ATP13A4: variants seen among roughly 807,000 people sequenced by gnomAD.
ATP13A4 encodes ATPase 13A4.
A neutral mutation model predicts 142.5 loss-of-function variants in ATP13A4; 114 were observed. The observed-to-expected ratio is 0.80, with a 90% confidence interval of 0.69 to 0.93. The LOEUF is 0.93. ATP13A4 is among the 40% of genes least tolerant of loss of function. ATP13A4 has a pLI of 0.00. For synonymous variants in ATP13A4, 488 were observed against 514.8 expected, an observed-to-expected ratio of 0.95 and a Z score of 0.70; for missense variants, 1,392 against 1,454.0, an observed-to-expected ratio of 0.96 and a Z score of 0.69.
intron 1 of ATP13A4, among the ~76,000 whole-genome samples, chr3:193,539,627 T>C (rs1722775281): frequency 6.6e-6 from 1 of 152,210 alleles, no homozygotes; most frequent in African/African-American, 2.4e-5. Context: ...GCTTCTTTCT[T>C]CAGCCTCTCA....
At chr3:193,573,874 T>C (rs1249532363) in intron 2 of ATP13A4, among the ~76,000 whole-genome samples, 1 of 152,186 alleles carries the variant, frequency 6.6e-6, no homozygotes, top group Non-Finnish European at 1.5e-5. Flanking sequence ...ACTTCAAAAA[T>C]CGATTTAGAA....
At chr3:193,476,469 C>T (rs1718973279) in intron 8 of ATP13A4, among the ~76,000 whole-genome samples, 1 of 152,110 alleles carries the variant, frequency 6.6e-6, no homozygotes, top group Admixed American at 6.5e-5. Context: ...ACTTTCTCCG[C>T]ATCCACAGTA....
At chr3:193,550,999 CTCA>C (rs1723529673) in intron 1 of ATP13A4, among the ~76,000 whole-genome samples, 1 of 152,218 alleles carries the variant, frequency 6.6e-6, no homozygotes, top group South Asian at 2.1e-4. Context: ...TTCTCATACT[CTCA>C]CTTTACAAAT....
chr3:193,479,985 T>A (rs1719196106), intron 8 of ATP13A4, among the ~76,000 whole-genome samples: 1 of 152,180 alleles, frequency 6.6e-6, no homozygotes. Flanking sequence ...CCAACTGATC[T>A]TTGACAAAGC....
intron 1 of ATP13A4, among the ~76,000 whole-genome samples, chr3:193,523,732 C>T (rs376832106): frequency 7.9e-5 from 12 of 152,244 alleles, no homozygotes; most frequent in East Asian, 3.9e-4. Context: ...TGCTATGGTT[C>T]GGATGTGGTT....
In ATP13A4 at chr3:193,553,000, G is replaced by A. The variant is rs74808625; in HGVS notation, c.60+1740C>T. ...AAGGGATGGAGGAGTGAGTTAAAAA[G>A]GAACACAGTGTCAGACACAGCAACA... On this transcript the variant is annotated intron_variant, in intron 1 of 29. Coordinates refer to ENST00000342695, the MANE Select transcript of ATP13A4 (RefSeq NM_032279.4). Among the ~76,000 whole-genome samples, 21 of 152,308 alleles carry A rather than the reference G, an allele frequency of 1.4e-4. No homozygotes were observed. In the East Asian group the frequency reaches 4.0e-3, roughly 29 times the overall value.
intron 1 of ATP13A4, among the ~76,000 whole-genome samples, chr3:193,537,981 T>C (rs951566300): frequency 1.3e-5 from 2 of 151,838 alleles, no homozygotes; most frequent in Non-Finnish European, 2.9e-5. Flanking sequence ...GATGTAGCTA[T>C]AAAAAAAACA....
At position 193,407,277 on chromosome 3, in the gene ATP13A4, C is replaced by G. The variant is rs1165937034; in HGVS notation, c.3378+36G>C. 3 of 1,558,800 alleles carry G rather than the reference C, an allele frequency of 1.9e-6. No individual in the cohort carries two copies. The South Asian group carries it at 3.3e-5, about 17-fold the overall frequency. ...GTCCCCCTACACACATGCGTGCACA[C>G]ACACAAGATCAGCAGCCCAAGATCA... On this transcript the variant is annotated intron_variant, in intron 29 of 29. Coordinates refer to ENST00000342695, the MANE Select transcript of ATP13A4 (RefSeq NM_032279.4).
intron 8 of ATP13A4, among the ~76,000 whole-genome samples, chr3:193,483,555 C>T (rs1349334314): frequency 6.6e-6 from 1 of 152,142 alleles, no homozygotes; most frequent in Non-Finnish European, 1.5e-5. Context: ...AGCTCCGCCT[C>T]CCGGGTTCAT....
At chr3:193,574,793 G>T (rs1205718255) in intron 2 of ATP13A4, among the ~76,000 whole-genome samples, 2 of 152,180 alleles carry the variant, frequency 1.3e-5, no homozygotes, top group East Asian at 3.8e-4. Context: ...GTGTTGAAAA[G>T]GAGTGTGTGT....
upstream of ATP13A4, chr3:193,555,064 G>A (rs1382257401): frequency 4.0e-6 from 3 of 747,484 alleles, no homozygotes; most frequent in East Asian, 1.0e-4. Context: ...TGTCTCAAAG[G>A]AGGCTGCTCC....
intron 18 of ATP13A4, among the ~76,000 whole-genome samples, chr3:193,447,768 A>G (rs1434878773): frequency 6.6e-6 from 1 of 152,146 alleles, no homozygotes; most frequent in Non-Finnish European, 1.5e-5. Flanking sequence ...AGAATCGTGG[A>G]TTTTATGATT....
Position 193,454,110 on chromosome 3 carries a change from G to T in ATP13A4, c.2018C>A (p.Thr673Asn). 6.2e-7 allele frequency: 1 copy of T among 1,609,762 alleles called. No homozygotes were observed. Among genetic ancestry groups the T allele is most frequent in the African/African-American group, 1.3e-5 (1 of 74,930 alleles). Residue 673 changes from threonine to asparagine, a missense_variant, in exon 17 of 30, where the codon ACC becomes AAC. By Grantham distance (65) the Thr-to-Asn change is moderately conservative. Coordinates refer to ENST00000342695, the MANE Select transcript of ATP13A4 (RefSeq NM_032279.4). Reference protein sequence around the residue: ...KKLENDHHATTLTRETVESDL... With the variant: ...KKLENDHHATNLTRETVESDL... ...AATCATCCCCATTTACCTCGTCAAGGTAGTAGCGTGATGGTCATTTTCCAG... is the reference window on the plus strand; with the variant it reads ...AATCATCCCCATTTACCTCGTCAAGTTAGTAGCGTGATGGTCATTTTCCAG...
intron 2 of ATP13A4, among the ~76,000 whole-genome samples, chr3:193,566,021 T>A (rs947042003): frequency 1.3e-5 from 2 of 152,164 alleles, no homozygotes; most frequent in African/African-American, 4.8e-5. Context: ...ATCATGAGCA[T>A]CATGAGAGGT....
At chr3:193,575,642 A>G (rs1240474552) in intron 2 of ATP13A4, among the ~76,000 whole-genome samples, 1 of 152,224 alleles carries the variant, frequency 6.6e-6, no homozygotes, top group East Asian at 1.9e-4. Context: ...GAAAATCTCT[A>G]TTAGATTAGC....
At chr3:193,568,933 A>G (rs1420688511) in intron 2 of ATP13A4, among the ~76,000 whole-genome samples, 1 of 152,242 alleles carries the variant, frequency 6.6e-6, no homozygotes, top group African/African-American at 2.4e-5. Context: ...AAATAAACAA[A>G]TGGGCGAGAA....
rs35962017 is a variant in ATP13A4, at chr3:193,463,425, A to T, written c.1462-602T>A. 3.6e-3 allele frequency among the ~76,000 whole-genome samples: 230 copies of T among 63,368 alleles called. 1 individual carries two copies. Among genetic ancestry groups the T allele is most frequent in the African/African-American group, 0.024 (227 of 9,348 alleles). The allele number at this position is 63,368 out of a possible 152,430, so 41.6% of individuals were successfully genotyped here. ...CGAAAGAAATGGTTTGCTATTTGGTAAAAAAAAAAAAAAAAAAAAAAAAGG... is the reference window on the plus strand; with the variant it reads ...CGAAAGAAATGGTTTGCTATTTGGTTAAAAAAAAAAAAAAAAAAAAAAAGG... On this transcript the variant is annotated intron_variant, in intron 12 of 29. Transcript: ENST00000342695.
chr3:193,453,954 A>T, intron 17 of ATP13A4, 147 bp downstream of exon 17: 2 of 716,722 alleles, frequency 2.8e-6, no homozygotes. Context: ...GTTCAGAGAC[A>T]TGTTATGCAC....
At chr3:193,547,456 T>A (rs1577071076) in intron 1 of ATP13A4, among the ~76,000 whole-genome samples, 2 of 152,222 alleles carry the variant, frequency 1.3e-5, no homozygotes, top group Admixed American at 1.3e-4. Flanking sequence ...TTTGTGTGTA[T>A]TCCCCCACCT....
Sources: gnomAD v4.1 joint callset for allele counts (sites outside exome capture counted in the v4.1 genomes callset) on GRCh38, gnomAD v4.1.1 for gene constraint, MANE v1.5 for transcripts, NCBI Gene and HGNC (gene_info 2026-07-23, HGNC 2026-07-21) for gene names.